The following PBX1 variants were observed in gnomAD, a reference collection of about 807,000 sequenced individuals.
PBX1 encodes pre-B-cell leukemia transcription factor 1.
A neutral mutation model predicts 53.4 loss-of-function variants in PBX1; 6 were observed. That is an observed-to-expected ratio of 0.11 (90% confidence interval 0.06 to 0.22). The LOEUF (loss-of-function observed/expected upper bound fraction) is 0.22. Ranked by LOEUF, PBX1 falls within the 10% of genes least tolerant of loss-of-function variation. The pLI, the probability that PBX1 is intolerant of heterozygous loss-of-function variation, is 1.00. For synonymous variants in PBX1, 204 were observed against 212.3 expected (o/e 0.96, Z 0.34); for missense variants, 251 against 551.4 (o/e 0.46, Z 5.46).
At chr1:164,560,393 C>T (rs1652950771) in intron 1 of PBX1, 2 of 394,700 alleles carry the variant, frequency 5.1e-6, no homozygotes, top group Non-Finnish European at 4.5e-6. Flanking sequence ...GAACAGCATT[C>T]CATGCCTTCT....
chr1:164,793,700 C>G (rs1484098995), intron 3 of PBX1, among the ~76,000 whole-genome samples: 1 of 152,088 alleles, frequency 6.6e-6, no homozygotes, highest in Non-Finnish European at 1.5e-5. Flanking sequence ...AGCAGCCTTT[C>G]ATTTAGATAG....
chr1:164,560,298 A>C (rs1164241235), intron 1 of PBX1: 4 of 399,700 alleles, frequency 1.0e-5, no homozygotes, highest in Admixed American at 4.4e-5. Flanking sequence ...GCATGCCGAA[A>C]ATACTGCCAA....
chr1:164,677,744 A>G (rs893893454), intron 2 of PBX1, among the ~76,000 whole-genome samples: 10 of 151,948 alleles, frequency 6.6e-5, no homozygotes, highest in Non-Finnish European at 1.3e-4. Context: ...ATGGTGTAGT[A>G]AGAGGGGATA....
chr1:164,830,601 C>G (rs1325015899), intron 8 of PBX1, among the ~76,000 whole-genome samples: 3 of 152,140 alleles, frequency 2.0e-5, no homozygotes, highest in Non-Finnish European at 2.9e-5. Context: ...GTGTCAGCCA[C>G]TAATTCATCC....
intron 2 of PBX1, among the ~76,000 whole-genome samples, chr1:164,877,347 T>C (rs1402499027): frequency 6.6e-6 from 1 of 152,106 alleles, no homozygotes; most frequent in Non-Finnish European, 1.5e-5. Flanking sequence ...CTTTGTTTAA[T>C]GTGCCAGATT....
intron 2 of PBX1, among the ~76,000 whole-genome samples, chr1:164,646,704 A>G (rs58565052): frequency 0.069 from 10,443 of 152,144 alleles, 442 homozygotes; most frequent in African/African-American, 0.11. Flanking sequence ...TTTGATAGTT[A>G]TGGGGTCTTA....
At chr1:164,782,717 C>T (rs1023405507) in intron 2 of PBX1, among the ~76,000 whole-genome samples, 3 of 152,156 alleles carry the variant, frequency 2.0e-5, no homozygotes, top group African/African-American at 7.2e-5. Context: ...CCGGAAAATG[C>T]CATTTGCCAC....
intron 5 of PBX1, among the ~76,000 whole-genome samples, 200 bp downstream of exon 5, chr1:164,807,877 A>G (rs1445612522): frequency 1.3e-5 from 2 of 152,230 alleles, no homozygotes; most frequent in Non-Finnish European, 2.9e-5. Flanking sequence ...CTTGAGAAGA[A>G]CCAGCAGAAG....
intron 8 of PBX1, among the ~76,000 whole-genome samples, chr1:164,836,828 G>C (rs1449850642): frequency 2.6e-5 from 4 of 152,132 alleles, no homozygotes; most frequent in African/African-American, 9.7e-5. Context: ...TAAGGGTTTT[G>C]AAAGTTTCTA....
At chr1:164,660,061 G>GA (rs1177763966) in intron 2 of PBX1, among the ~76,000 whole-genome samples, 2 of 152,126 alleles carry the variant, frequency 1.3e-5, no homozygotes, top group East Asian at 1.9e-4. Flanking sequence ...AGAAGTTAGG[G>GA]AAAAATCACA....
At chr1:164,754,431 T>G (rs1666396308) in intron 2 of PBX1, among the ~76,000 whole-genome samples, 1 of 152,184 alleles carries the variant, frequency 6.6e-6, no homozygotes. Flanking sequence ...TCTTCCTAAA[T>G]GTGACAGAAT....
At chr1:164,782,256 C>G (rs182188841) in intron 2 of PBX1, among the ~76,000 whole-genome samples, 12 of 152,232 alleles carry the variant, frequency 7.9e-5, no homozygotes, top group Non-Finnish European at 1.5e-4. Context: ...CCTTGTTGCC[C>G]TACTCTAGGC....
chr1:164,700,394 G>GTTCTGTTATTTC, intron 2 of PBX1: 1 of 922,750 alleles, frequency 1.1e-6, no homozygotes, highest in East Asian at 1.2e-4. Context: ...GGAGCGTGAG[G>GTTCTGTTATTTC]TTCTGTTATT....
intron 2 of PBX1, among the ~76,000 whole-genome samples, chr1:164,703,696 C>A (rs1663263018): frequency 6.6e-6 from 1 of 152,140 alleles, no homozygotes; most frequent in Non-Finnish European, 1.5e-5. Flanking sequence ...AAACTCTGGC[C>A]ATTTCTACTG....
At chr1:164,771,118 A>T (rs1244249103) in intron 2 of PBX1, 2 of 152,012 alleles carry the variant, frequency 1.3e-5, no homozygotes, top group East Asian at 1.9e-4. Flanking sequence ...CCGCCAGGGG[A>T]TTTCAGTGTT....
intron 8 of PBX1, among the ~76,000 whole-genome samples, chr1:164,822,580 C>T (rs1670212243): frequency 1.3e-5 from 2 of 152,074 alleles, no homozygotes; most frequent in Admixed American, 1.3e-4. Flanking sequence ...AGGTGATGAC[C>T]TCTTCAACTG....
At chr1:164,628,679 GTT>G (rs1429186321) in intron 2 of PBX1, among the ~76,000 whole-genome samples, 2 of 152,160 alleles carry the variant, frequency 1.3e-5, no homozygotes, top group Non-Finnish European at 2.9e-5. Context: ...TGCTTGCGTT[GTT>G]TGTGAGTGTA....
chr1:164,651,215 A>G (rs1659793018), intron 2 of PBX1, among the ~76,000 whole-genome samples: 1 of 151,756 alleles, frequency 6.6e-6, no homozygotes, highest in Admixed American at 6.6e-5. Flanking sequence ...CCTCCCCATT[A>G]CCCACCCTTC....
rs532487387 is a variant in PBX1, at chr1:164,688,345, A to C, written c.266-104149A>C. On this transcript the variant is annotated intron_variant, in intron 2 of 8. Coordinates refer to ENST00000420696, the MANE Select transcript of PBX1 (RefSeq NM_002585.4). ...GAGTTTCTGATGTATTTGAGTACAGATCAATTACAACTTGAAGGAGAGGTT... is the reference window on the plus strand; with the variant it reads ...GAGTTTCTGATGTATTTGAGTACAGCTCAATTACAACTTGAAGGAGAGGTT... 2.0e-5 allele frequency among the ~76,000 whole-genome samples: 3 copies of C among 152,324 alleles called. No individual in the cohort carries two copies. The South Asian group carries it at 6.2e-4, about 32-fold the overall frequency.
Sources: gnomAD v4.1 joint callset for allele counts (sites outside exome capture counted in the v4.1 genomes callset) on GRCh38, gnomAD v4.1.1 for gene constraint, MANE v1.5 for transcripts, NCBI Gene and HGNC (gene_info 2026-07-23, HGNC 2026-07-21) for gene names.